The following SCN3A variants were observed in gnomAD, a reference collection of about 807,000 sequenced individuals.
SCN3A encodes sodium voltage-gated channel alpha subunit 3.
A neutral mutation model predicts 187.6 loss-of-function variants in SCN3A; 60 were observed. That is an observed-to-expected ratio of 0.32 (90% CI 0.26 to 0.40). The LOEUF (loss-of-function observed/expected upper bound fraction) is 0.40, where lower values mean the gene tolerates loss of function less well. SCN3A is among the 10% of genes least tolerant of loss of function. SCN3A has a pLI of 1.00. For synonymous variants in SCN3A, 788 were observed against 829.2 expected (o/e 0.95, Z 0.85); for missense variants, 1,601 against 2,428.2 (o/e 0.66, Z 7.16).
chr2:165,159,230 C>G (rs1399095977), intron 9 of SCN3A, among the ~76,000 whole-genome samples: 1 of 138,408 alleles, frequency 7.2e-6, no homozygotes, highest in Non-Finnish European at 1.5e-5. Context: ...TAATAACCAC[C>G]TGTACTATAT....
intron 22 of SCN3A, among the ~76,000 whole-genome samples, chr2:165,099,740 A>G (rs1482497870): frequency 6.6e-6 from 1 of 152,060 alleles, no homozygotes; most frequent in Non-Finnish European, 1.5e-5. Flanking sequence ...AAACAAAAAA[A>G]CCAAAAAACT....
Position 165,087,668 on chromosome 2 carries a change from T to C in SCN3A, c.*2482A>G, listed in dbSNP as rs1684896876. The C allele has an allele frequency of 6.6e-6, 1 of 152,100 alleles. No homozygotes were observed. Among genetic ancestry groups the C allele is most frequent in the African/African-American group, 2.4e-5 (1 of 41,438 alleles). 9.4% of individuals were successfully genotyped at this position (152,100 alleles called of 1,614,324 possible). On this transcript the variant is annotated 3_prime_UTR_variant, in exon 28 of 28. Coordinates refer to ENST00000283254, the MANE Select transcript of SCN3A (RefSeq NM_006922.4). ...TGACCTCACATAAATCCAAGGGTTC[T>C]TGAAAAAAAAGTTAATATAAATTCT...
chr2:165,146,515 A>G (rs767684746), intron 12 of SCN3A, among the ~76,000 whole-genome samples: 4 of 149,210 alleles, frequency 2.7e-5, no homozygotes, highest in African/African-American at 4.9e-5. Context: ...CAATATATCT[A>G]TCTGTATATA....
intron 15 of SCN3A, among the ~76,000 whole-genome samples, chr2:165,131,737 G>T (rs1687335735): frequency 6.9e-6 from 1 of 145,466 alleles, no homozygotes; most frequent in South Asian, 2.3e-4. Flanking sequence ...ATCTCCTAAT[G>T]CTATCCCTCC....
At chr2:165,139,047 G>A (rs1333489202) in intron 14 of SCN3A, among the ~76,000 whole-genome samples, 1 of 152,124 alleles carries the variant, frequency 6.6e-6, no homozygotes, top group Non-Finnish European at 1.5e-5. Context: ...TCTTGCAGTG[G>A]AGGACAGGTT....
At chr2:165,105,869 G>GA (rs1279348327) in intron 21 of SCN3A, among the ~76,000 whole-genome samples, 9 of 149,814 alleles carry the variant, frequency 6.0e-5, no homozygotes, top group South Asian at 4.2e-4. Flanking sequence ...GTCTCCTAAA[G>GA]AAAAAAAAAG....
chr2:165,179,938 G>A (rs1257338764), intron 2 of SCN3A, among the ~76,000 whole-genome samples: 1 of 151,616 alleles, frequency 6.6e-6, no homozygotes, highest in Non-Finnish European at 1.5e-5. Context: ...CTGATGCCTT[G>A]GTGTGGAATA....
chr2:165,102,833 A>G (rs187130498), intron 21 of SCN3A, among the ~76,000 whole-genome samples: 2 of 152,298 alleles, frequency 1.3e-5, no homozygotes, highest in Admixed American at 6.5e-5. Context: ...AAACTACCTG[A>G]CACTGGATTT....
At chr2:165,104,229 G>A (rs183544266) in intron 21 of SCN3A, among the ~76,000 whole-genome samples, 2 of 151,878 alleles carry the variant, frequency 1.3e-5, no homozygotes, top group East Asian at 3.9e-4. Context: ...AAGCAGAGAG[G>A]ACAAATTTCA....
At chr2:165,135,552 T>A (rs1373479812) in intron 15 of SCN3A, among the ~76,000 whole-genome samples, 7 of 152,116 alleles carry the variant, frequency 4.6e-5, no homozygotes. Flanking sequence ...CTATGATCTA[T>A]AATATAGTCC....
chr2:165,096,458 G>A lies in SCN3A; in HGVS notation c.4293+9C>T. ...TAGAACCTATAAATAATATTTGAGTGATACTTACATCTCGTGAATCAACAG... is the reference window on the plus strand; with the variant it reads ...TAGAACCTATAAATAATATTTGAGTAATACTTACATCTCGTGAATCAACAG... On this transcript the variant is annotated intron_variant, in intron 24 of 27. Transcript: ENST00000283254. 1 of 1,604,460 alleles carries A rather than the reference G, an allele frequency of 6.2e-7. No individual in the cohort carries two copies. The highest frequency in any genetic ancestry group is 8.5e-7 in the Non-Finnish European group (1 of 1,171,540).
intron 6 of SCN3A, chr2:165,164,031 A>T (rs747609629): frequency 1.2e-6 from 1 of 821,622 alleles, no homozygotes. Flanking sequence ...CATATGCTAA[A>T]GGTTGCTTTT....
intron 1 of SCN3A, among the ~76,000 whole-genome samples, chr2:165,201,986 C>T (rs1574371124): frequency 6.6e-6 from 1 of 151,986 alleles, no homozygotes; most frequent in Non-Finnish European, 1.5e-5. Context: ...TCTGAGACAA[C>T]AAAACTCACT....
intron 12 of SCN3A, among the ~76,000 whole-genome samples, chr2:165,144,782 T>A (rs1305387362): frequency 6.6e-6 from 1 of 152,110 alleles, no homozygotes; most frequent in East Asian, 1.9e-4. Context: ...TTGGAAAAAA[T>A]TTCCATGAGG....
At chr2:165,106,444 A>G (rs1299794682) in intron 21 of SCN3A, among the ~76,000 whole-genome samples, 5 of 152,214 alleles carry the variant, frequency 3.3e-5, no homozygotes, top group Non-Finnish European at 7.3e-5. Context: ...TTGTGAGCAT[A>G]ATTACTTCTG....
chr2:165,199,074 A>G lies in SCN3A; in HGVS notation c.-248+4749T>C, dbSNP rs532840854. ...TCAAGCTCTTTCTTGGGAAAGGAAA[A>G]GGACAAAATGTTCTGTACAACCAAA... is the stretch of plus-strand genomic sequence containing the variant. On this transcript the variant is annotated intron_variant, in intron 1 of 27. Coordinates refer to ENST00000283254, the MANE Select transcript of SCN3A (RefSeq NM_006922.4). 9.9e-5 allele frequency among the ~76,000 whole-genome samples: 15 copies of G among 152,192 alleles called. No individual in the cohort carries two copies. The South Asian group carries it at 3.1e-3, about 32-fold the overall frequency.
At chr2:165,111,653 T>A (rs186052763) in intron 21 of SCN3A, among the ~76,000 whole-genome samples, 20 of 152,276 alleles carry the variant, frequency 1.3e-4, no homozygotes, top group African/African-American at 4.8e-4. Context: ...ATTAAGAAGC[T>A]GTGTTATCTC....
At chr2:165,123,266 A>G (rs1480906921) in intron 18 of SCN3A, among the ~76,000 whole-genome samples, 2 of 152,134 alleles carry the variant, frequency 1.3e-5, no homozygotes, top group Non-Finnish European at 2.9e-5. Context: ...ATACCAGCCT[A>G]TTTATGTTAG....
At chr2:165,101,612 G>A (rs1308451023) in intron 21 of SCN3A, among the ~76,000 whole-genome samples, 2 of 152,010 alleles carry the variant, frequency 1.3e-5, no homozygotes, top group Non-Finnish European at 2.9e-5. Context: ...CATCTTCTCA[G>A]TTCTTTCAAA....
Sources: allele counts gnomAD v4.1 joint callset (sites outside exome capture counted in the v4.1 genomes callset), GRCh38; gene constraint gnomAD v4.1.1; transcripts MANE v1.5; gene names NCBI Gene and HGNC (gene_info 2026-07-23, HGNC 2026-07-21).